The following RAB6A variants were observed in gnomAD, a reference collection of about 807,000 sequenced individuals.
The protein encoded by RAB6A is ras-related protein Rab-6A.
In RAB6A, 8 loss-of-function variants were observed where a neutral mutation model predicts 32.3. The ratio of observed to expected loss-of-function variants is 0.25; its 90% confidence interval spans 0.15 to 0.45. The LOEUF (loss-of-function observed/expected upper bound fraction) is 0.45, where lower values mean the gene tolerates loss of function less well. Among genes scored for constraint, RAB6A ranks in the 20% least tolerant of loss-of-function variants. RAB6A has a pLI of 1.00. For synonymous variants in RAB6A, 73 were observed against 82.1 expected (o/e 0.89, Z 0.60); for missense variants, 104 against 249.4 (o/e 0.42, Z 3.93).
At chr11:73,697,152 A>G (rs1344596096) in intron 6 of RAB6A, among the ~76,000 whole-genome samples, 1 of 152,068 alleles carries the variant, frequency 6.6e-6, no homozygotes, top group African/African-American at 2.4e-5. Flanking sequence ...CTGCACTTGA[A>G]GCTTGGCATG....
chr11:73,685,646 A>G lies in RAB6A; in HGVS notation c.496-5926T>C, dbSNP rs1045928444. Among the ~76,000 whole-genome samples the G allele has an allele frequency of 2.2e-5, 3 of 139,196 alleles. No homozygotes were observed. The East Asian group carries it at 6.3e-4, about 29-fold the overall frequency. 91.3% of individuals were successfully genotyped at this position (139,196 alleles called of 152,430 possible). ...GTAATCCCAGGACTTTGGGAGGCCA[A>G]GACGGGTGGATCATCTGAGGTCAGG... On this transcript the variant is annotated intron_variant, in intron 6 of 7. Transcript: ENST00000336083.
In RAB6A at chr11:73,690,759, A is replaced by G. The variant is rs1423301601; in HGVS notation, c.496-11039T>C. Among the ~76,000 whole-genome samples the G allele has an allele frequency of 4.0e-5, 6 of 150,694 alleles. No homozygotes were observed. The East Asian group carries it at 9.7e-4, about 24-fold the overall frequency. On this transcript the variant is annotated intron_variant, in intron 6 of 7. Coordinates refer to ENST00000336083, the MANE Select transcript of RAB6A (RefSeq NM_198896.2). The stretch of plus-strand genomic sequence containing the variant: ...AACGGAATTCCAGGGTTCTGAGCCC[A>G]TGGTTGGGTCCAGTGGGGTGGAAGG...
chr11:73,712,762 CA>C (rs1414189838), intron 5 of RAB6A, among the ~76,000 whole-genome samples: 114 of 151,362 alleles, frequency 7.5e-4, no homozygotes, highest in Middle Eastern at 3.4e-3. Flanking sequence ...CTCTGTCACC[CA>C]TGCTGGGGTG....
chr11:73,744,511 C>CAAAAA lies in RAB6A; in HGVS notation c.71-13693_71-13689dup, dbSNP rs555388622. On this transcript the variant is annotated intron_variant, in intron 1 of 7. Coordinates refer to ENST00000336083, the MANE Select transcript of RAB6A (RefSeq NM_198896.2). ...GGGCAACAGAGTGAGACCCTGTCTCCAAAAAAAAAAAAAAAAAAAAAAAAA... is the reference window on the plus strand; with the variant it reads ...GGGCAACAGAGTGAGACCCTGTCTCCAAAAAAAAAAAAAAAAAAAAAAAAAAAAAA... Among the ~76,000 whole-genome samples the CAAAAA allele has an allele frequency of 9.1e-4, 58 of 63,752 alleles. 2 individuals carry two copies. Among genetic ancestry groups the CAAAAA allele is most frequent in the African/African-American group, 4.0e-3 (55 of 13,738 alleles). 41.8% of individuals were successfully genotyped at this position (63,752 alleles called of 152,430 possible).
chr11:73,722,098 A>T (rs1457911687), intron 2 of RAB6A, among the ~76,000 whole-genome samples: 2 of 141,762 alleles, frequency 1.4e-5, no homozygotes, highest in African/African-American at 4.9e-5. Context: ...GTGGAACTTG[A>T]GTCTATTAAA....
At chr11:73,709,079 C>A (rs1487749083) in intron 5 of RAB6A, among the ~76,000 whole-genome samples, 1 of 152,156 alleles carries the variant, frequency 6.6e-6, no homozygotes, top group Non-Finnish European at 1.5e-5. Flanking sequence ...AATCTGCAGA[C>A]CTTTAGCCCT....
chr11:73,710,896 C>T (rs1301789369), intron 5 of RAB6A, among the ~76,000 whole-genome samples: 1 of 152,152 alleles, frequency 6.6e-6, no homozygotes, highest in Non-Finnish European at 1.5e-5. Context: ...GTGTAAGTCA[C>T]CATGCCTAGC....
At chr11:73,741,546 G>A (rs1946495957) in intron 1 of RAB6A, among the ~76,000 whole-genome samples, 1 of 151,640 alleles carries the variant, frequency 6.6e-6, no homozygotes, top group Non-Finnish European at 1.5e-5. Flanking sequence ...AAAAAAGGAC[G>A]TACATGTATG....
rs544832313 is a variant in RAB6A at position 73,745,534 on chromosome 11, C to A, written c.71-14711G>T. On this transcript the variant is annotated intron_variant, in intron 1 of 7. Transcript: ENST00000336083. ...CTGAAGCAGGTGGATCACTTGAGGT[C>A]GGGAGTTTGAGACCAGCCTGACCAA... is the stretch of plus-strand genomic sequence containing the variant. Among the ~76,000 whole-genome samples the A allele has an allele frequency of 4.6e-5, 7 of 152,216 alleles. No individual in the cohort carries two copies. In the South Asian group the frequency reaches 1.5e-3, roughly 32 times the overall value.
At chr11:73,730,904 A>G (rs1946292192) in intron 1 of RAB6A, 81 bp from the exon 2 acceptor site, 3 of 939,904 alleles carry the variant, frequency 3.2e-6, no homozygotes, top group Non-Finnish European at 5.0e-6. Context: ...GAGAACTGCA[A>G]TTAAAGTCAA....
intron 1 of RAB6A, chr11:73,760,242 C>G (rs1946822786): frequency 2.7e-6 from 2 of 728,038 alleles, no homozygotes; most frequent in Non-Finnish European, 4.3e-6. Context: ...GGGGTACGGG[C>G]AATGACCGAG....
At chr11:73,755,253 A>C (rs762078230) in intron 1 of RAB6A, among the ~76,000 whole-genome samples, 1 of 151,718 alleles carries the variant, frequency 6.6e-6, no homozygotes, top group Non-Finnish European at 1.5e-5. Context: ...AACATATTAA[A>C]TATTTTGAAA....
At chr11:73,741,699 TAG>T (rs1565375530) in intron 1 of RAB6A, among the ~76,000 whole-genome samples, 1 of 152,096 alleles carries the variant, frequency 6.6e-6, no homozygotes, top group Non-Finnish European at 1.5e-5. Flanking sequence ...TATCAAATCA[TAG>T]AAAGACATGC....
intron 6 of RAB6A, among the ~76,000 whole-genome samples, chr11:73,704,451 G>A (rs1240266495): frequency 6.6e-6 from 1 of 151,776 alleles, no homozygotes; most frequent in Non-Finnish European, 1.5e-5. Flanking sequence ...TTGGGAGACC[G>A]AGGCAGGCAG....
At chr11:73,689,671 C>A (rs973782422) in intron 6 of RAB6A, among the ~76,000 whole-genome samples, 4 of 152,158 alleles carry the variant, frequency 2.6e-5, no homozygotes, top group Non-Finnish European at 5.9e-5. Flanking sequence ...CCCCTCAACC[C>A]CCACCACCAC....
intron 6 of RAB6A, among the ~76,000 whole-genome samples, chr11:73,701,452 T>C (rs915569706): frequency 6.6e-6 from 1 of 152,204 alleles, no homozygotes; most frequent in Non-Finnish European, 1.5e-5. Flanking sequence ...CTGACCTACA[T>C]AGCAAGAACT....
At chr11:73,712,506 A>G (rs1945974777) in intron 5 of RAB6A, among the ~76,000 whole-genome samples, 1 of 151,604 alleles carries the variant, frequency 6.6e-6, no homozygotes, top group Non-Finnish European at 1.5e-5. Context: ...ACATGCCACC[A>G]CGCCCGGCTA....
chr11:73,730,497 G>A (rs1264255363), intron 2 of RAB6A: 1 of 313,540 alleles, frequency 3.2e-6, no homozygotes, highest in Non-Finnish European at 5.8e-6. Context: ...AAAATCTATA[G>A]AGAATATCCA....
chr11:73,731,721 TATATATATATACAC>T (rs1329065172), intron 1 of RAB6A, among the ~76,000 whole-genome samples: 328 of 11,120 alleles, frequency 0.029, 8 homozygotes, highest in African/African-American at 0.076. Context: ...TATATATATA[TATATATATATACAC>T]ACACACACAC....
Sources: gnomAD v4.1 joint callset for allele counts (sites outside exome capture counted in the v4.1 genomes callset) on GRCh38, gnomAD v4.1.1 for gene constraint, MANE v1.5 for transcripts, NCBI Gene and HGNC (gene_info 2026-07-23, HGNC 2026-07-21) for gene names.